The following PCDHGB3 variants were observed in gnomAD, a reference collection of about 807,000 sequenced individuals.
PCDHGB3 encodes the protein protocadherin gamma-B3.
Under a neutral mutation model 59.2 loss-of-function variants are expected in PCDHGB3, and 40 were observed. The observed-to-expected ratio is 0.68, with a 90% CI of 0.52 to 0.88. The LOEUF (loss-of-function observed/expected upper bound fraction) is 0.88. Among genes scored for constraint, PCDHGB3 ranks in the 40% least tolerant of loss-of-function variants. The pLI is 0.00. For missense variants in PCDHGB3, 1,309 were observed against 1,187.9 expected (o/e 1.10, Z -1.50); for synonymous variants, 581 against 503.6 (o/e 1.15, Z -2.06).
At chr5:141,393,195 G>A (rs1359316660) in intron 1 of PCDHGB3, 6 of 1,613,316 alleles carry the variant, frequency 3.7e-6, no homozygotes, top group South Asian at 1.1e-5. Context: ...TGATATTAAC[G>A]ATAATAACCC....
chr5:141,420,963 A>T, intron 1 of PCDHGB3: 1 of 430,262 alleles, frequency 2.3e-6, no homozygotes, highest in Non-Finnish European at 4.1e-6. Flanking sequence ...TAGTCGTTGC[A>T]ATAATAAGAA....
chr5:141,394,012 A>C lies in PCDHGB3; in HGVS notation c.2415+21203A>C, dbSNP rs756847755. ...TTTAAATTAGAAAAGTCAATAGGTA[A>C]TTATTATAGATTAGTGACAAGGAAA... On this transcript the variant is annotated intron_variant, in intron 1 of 3. Coordinates refer to ENST00000576222, the MANE Select transcript of PCDHGB3 (RefSeq NM_018924.5). The C allele has an allele frequency of 2.6e-5, 42 of 1,613,288 alleles. No individual in the cohort carries two copies. Among genetic ancestry groups the C allele is most frequent in the Non-Finnish European group, 3.4e-5 (40 of 1,179,552 alleles).
intron 1 of PCDHGB3, chr5:141,421,166 A>T: frequency 7.7e-7 from 1 of 1,301,524 alleles, no homozygotes; most frequent in Non-Finnish European, 1.0e-6. Context: ...CTTCATAGAT[A>T]CATAAGCCGA....
chr5:141,383,433 C>T, intron 1 of PCDHGB3: 1 of 1,613,986 alleles, frequency 6.2e-7, no homozygotes, highest in East Asian at 2.2e-5. Context: ...ATCGCCACTT[C>T]TCCCTGGCTG....
At position 141,431,368 on chromosome 5, in the gene PCDHGB3, A is replaced by G; in HGVS notation, c.2415+58559A>G. On this transcript the variant is annotated intron_variant, in intron 1 of 3. Coordinates refer to ENST00000576222, the MANE Select transcript of PCDHGB3 (RefSeq NM_018924.5). The surrounding 1 kb of genome is among the most constrained non-coding windows in gnomAD (Gnocchi z 4.8). ...TGCTGAAACGCGCCCTGGACCGCGA[A>G]GAAAAGGCTGCTCACCACCTGGTCC... 1.9e-6 allele frequency: 3 copies of G among 1,614,002 alleles called. No individual in the cohort carries two copies. The highest frequency in any genetic ancestry group is 2.5e-6 in the Non-Finnish European group (3 of 1,180,034).
chr5:141,395,400 G>C, intron 1 of PCDHGB3: 1 of 859,976 alleles, frequency 1.2e-6, no homozygotes, highest in Non-Finnish European at 1.7e-6. Context: ...AACTCTAATA[G>C]TCATAGGTTA....
chr5:141,427,711 A>T, intron 1 of PCDHGB3: 1 of 1,036,498 alleles, frequency 9.6e-7, no homozygotes, highest in Non-Finnish European at 1.5e-6. Context: ...AGCGCCTCTG[A>T]CCTGGACCTA....
chr5:141,374,708 C>G, intron 1 of PCDHGB3: 2 of 1,609,146 alleles, frequency 1.2e-6, no homozygotes, highest in East Asian at 2.2e-5. Flanking sequence ...AGCCGTTTAC[C>G]GCCTGGTCCT....
chr5:141,431,111 G>A lies in PCDHGB3; in HGVS notation c.2415+58302G>A, dbSNP rs2097343539. The A allele has an allele frequency of 1.9e-6, 3 of 1,614,110 alleles. No individual in the cohort carries two copies. Among genetic ancestry groups the A allele is most frequent in the Non-Finnish European group, 2.5e-6 (3 of 1,180,034 alleles). On this transcript the variant is annotated intron_variant, in intron 1 of 3. Coordinates refer to ENST00000576222, the MANE Select transcript of PCDHGB3 (RefSeq NM_018924.5). This position sits in a 1 kb window ranked among gnomAD's most constrained non-coding sequence, Gnocchi z 4.8. ...GATGGAGGATAAAGTGAAAATATAT[G>A]GAGTAGAAGTAGAAGTAAGGGACAT...
intron 1 of PCDHGB3, chr5:141,478,287 G>A (rs777542913): frequency 3.7e-6 from 6 of 1,614,154 alleles, no homozygotes; most frequent in Non-Finnish European, 5.1e-6. Flanking sequence ...AAGCAGTCTA[G>A]AGACCTATAC....
rs757410882 is a variant in PCDHGB3 at position 141,421,504 on chromosome 5, C to T, written c.2415+48695C>T. 8 of 1,614,062 alleles carry T rather than the reference C, an allele frequency of 5.0e-6. No homozygotes were observed. The highest frequency in any genetic ancestry group is 3.3e-5 in the South Asian group (3 of 91,088). ...CTTGATCACGGCAGGCAGGATAGACCGGGAGGAGCTCTGTGAGACGGTGTC... is the reference window on the plus strand; with the variant it reads ...CTTGATCACGGCAGGCAGGATAGACTGGGAGGAGCTCTGTGAGACGGTGTC... On this transcript the variant is annotated intron_variant, in intron 1 of 3. Transcript: ENST00000576222.
intron 1 of PCDHGB3, chr5:141,478,619 A>G: frequency 6.4e-7 from 1 of 1,555,598 alleles, no homozygotes; most frequent in Non-Finnish European, 8.7e-7. Context: ...GAAGGAATGG[A>G]GCTGTTTTTT....
rs371232283 is a variant in PCDHGB3, at chr5:141,390,337, C to T, written c.2415+17528C>T. ...CATTGCCTACCCATTTCTCCATATT[C>T]ACAAGAAAATATACATATTTGCAGG... On this transcript the variant is annotated intron_variant, in intron 1 of 3. Coordinates refer to ENST00000576222, the MANE Select transcript of PCDHGB3 (RefSeq NM_018924.5). 9.4e-6 allele frequency: 15 copies of T among 1,595,800 alleles called. No homozygotes were observed. In the African/African-American group the frequency reaches 1.5e-4, roughly 16 times the overall value.
chr5:141,432,495 C>G lies in PCDHGB3; in HGVS notation c.2415+59686C>G. 1.2e-6 allele frequency: 2 copies of G among 1,614,182 alleles called. No individual in the cohort carries two copies. The highest frequency in any genetic ancestry group is 1.7e-6 in the Non-Finnish European group (2 of 1,180,048). On this transcript the variant is annotated intron_variant, in intron 1 of 3. Coordinates refer to ENST00000576222, the MANE Select transcript of PCDHGB3 (RefSeq NM_018924.5). The surrounding 1 kb of genome is among the most constrained non-coding windows in gnomAD (Gnocchi z 6.0). ...GGTTCCACTGGCGTGGAGCTGGCTC[C>G]CCGCTCCGCAGAGCCCGGCTACCTG...
chr5:141,390,537 A>G (rs565157857), intron 1 of PCDHGB3: 629 of 520,554 alleles, frequency 1.2e-3, no homozygotes, highest in Non-Finnish European at 1.9e-3. Context: ...GGTTTTAACC[A>G]CAAAGTGAAA....
intron 1 of PCDHGB3, among the ~76,000 whole-genome samples, chr5:141,434,192 A>G (rs2097676888): frequency 6.6e-6 from 1 of 152,194 alleles, no homozygotes; most frequent in Non-Finnish European, 1.5e-5. Context: ...TGTAATTCCA[A>G]TGTACTTACT....
intron 1 of PCDHGB3, chr5:141,478,777 C>T: frequency 6.7e-7 from 1 of 1,488,806 alleles, no homozygotes. Context: ...CATCTGTGGA[C>T]CTAATTCACA....
intron 1 of PCDHGB3, among the ~76,000 whole-genome samples, chr5:141,469,414 A>C (rs1455286338): frequency 1.3e-5 from 2 of 152,118 alleles, no homozygotes; most frequent in Non-Finnish European, 2.9e-5. Flanking sequence ...GTTTCTACTA[A>C]AAATATAAAA....
rs754610588 is a variant in PCDHGB3, at chr5:141,384,105, T to C, written c.2415+11296T>C. 31 of 1,601,620 alleles carry C rather than the reference T, an allele frequency of 1.9e-5. No individual in the cohort carries two copies. The East Asian group carries it at 2.5e-4, about 13-fold the overall frequency. ...TAGAAAAATCAATAGATAATTATTA[T>C]AGATTGGTCACAACCAAAAACTTGG... On this transcript the variant is annotated intron_variant, in intron 1 of 3. Transcript: ENST00000576222.
Sources: allele counts gnomAD v4.1 joint callset (sites outside exome capture counted in the v4.1 genomes callset), GRCh38; gene constraint gnomAD v4.1.1; non-coding constraint Gnocchi (gnomAD v3.1); transcripts MANE v1.5; gene names NCBI Gene and HGNC (gene_info 2026-07-23, HGNC 2026-07-21).